SRGAP1: variants seen among roughly 807,000 people sequenced by gnomAD.
The protein encoded by SRGAP1 is SLIT-ROBO Rho GTPase activating protein 1.
A neutral mutation model predicts 121.9 loss-of-function variants in SRGAP1; 43 were observed. The observed-to-expected ratio is 0.35, with a 90% confidence interval of 0.28 to 0.46. SRGAP1 has a LOEUF of 0.46. Ranked by LOEUF, SRGAP1 falls within the 20% of genes least tolerant of loss-of-function variation. The probability of loss-of-function intolerance (pLI) is 1.00; values close to 1 mark genes in which losing one functional copy is unlikely to be tolerated. For missense variants in SRGAP1, 1,102 were observed against 1,350.9 expected (o/e 0.82, Z 2.89); for synonymous variants, 447 against 485.4 (o/e 0.92, Z 1.04).
chr12:63,890,055 A>G (rs1361152216), intron 1 of SRGAP1, among the ~76,000 whole-genome samples: 1 of 152,070 alleles, frequency 6.6e-6, no homozygotes, highest in African/African-American at 2.4e-5. Context: ...TATCTCTTTT[A>G]GATTGCTGCA....
intron 1 of SRGAP1, among the ~76,000 whole-genome samples, chr12:63,860,910 A>C (rs758583684): frequency 2.6e-4 from 39 of 150,418 alleles, no homozygotes; most frequent in Non-Finnish European, 4.7e-4. Context: ...ATCATTGTGC[A>C]TTATAGCCTG....
intron 8 of SRGAP1, among the ~76,000 whole-genome samples, chr12:64,066,273 A>G (rs1229132006): frequency 6.6e-6 from 1 of 152,196 alleles, no homozygotes; most frequent in African/African-American, 2.4e-5. Flanking sequence ...CCATCCTAGC[A>G]TTCTTGTCTC....
At chr12:64,135,320 A>G (rs1041008689) in intron 21 of SRGAP1, among the ~76,000 whole-genome samples, 6 of 152,190 alleles carry the variant, frequency 3.9e-5, no homozygotes, top group Non-Finnish European at 8.8e-5. Flanking sequence ...AGCGACTTGC[A>G]TAAGAACTCG....
chr12:64,116,682 G>A (rs2036529174), intron 18 of SRGAP1, among the ~76,000 whole-genome samples: 1 of 152,182 alleles, frequency 6.6e-6, no homozygotes. Flanking sequence ...ATTAAGAACA[G>A]TGCTGCTATG....
intron 3 of SRGAP1, among the ~76,000 whole-genome samples, chr12:64,004,246 C>T (rs575281605): frequency 1.1e-4 from 16 of 152,202 alleles, no homozygotes; most frequent in Admixed American, 6.5e-4. Flanking sequence ...TCAGAAGGCA[C>T]GCAGTCCCTC....
chr12:63,911,400 T>A (rs1020593526), intron 1 of SRGAP1, among the ~76,000 whole-genome samples: 1 of 152,158 alleles, frequency 6.6e-6, no homozygotes, highest in African/African-American at 2.4e-5. Flanking sequence ...TTCAAGTTTC[T>A]GCTAATGTGC....
At chr12:64,006,171 T>C (rs1462279025) in intron 3 of SRGAP1, among the ~76,000 whole-genome samples, 1 of 152,068 alleles carries the variant, frequency 6.6e-6, no homozygotes, top group African/African-American at 2.4e-5. Flanking sequence ...CTTGGTGAGA[T>C]TTTACAAAGG....
intron 1 of SRGAP1, chr12:63,983,586 C>G (rs1461207591): frequency 6.6e-6 from 1 of 151,556 alleles, no homozygotes; most frequent in African/African-American, 2.4e-5. Context: ...CAGTGACTCA[C>G]GCCTGTAATC....
chr12:63,900,726 T>C (rs556518552), intron 1 of SRGAP1, among the ~76,000 whole-genome samples: 65 of 152,046 alleles, frequency 4.3e-4, no homozygotes, highest in Non-Finnish European at 8.7e-4. Context: ...AGGCATAGAA[T>C]AGCTTGAACC....
chr12:63,889,842 C>G (rs1268628149), intron 1 of SRGAP1, among the ~76,000 whole-genome samples: 1 of 151,526 alleles, frequency 6.6e-6, no homozygotes, highest in Non-Finnish European at 1.5e-5. Context: ...CGGGAGGCAG[C>G]GGTTGCAGTG....
At chr12:64,083,555 A>C (rs947240124) in intron 10 of SRGAP1, among the ~76,000 whole-genome samples, 8 of 152,216 alleles carry the variant, frequency 5.3e-5, no homozygotes. Flanking sequence ...AGAAGCACGC[A>C]ATGAGTTGTT....
rs2036169722 is a variant in SRGAP1, at chr12:64,097,106, AG to A, written c.1679-134del. ...TATCTAAACCAATTATTTTAATTTT[AG>A]TACCATATAATCTTTCATAAAGCAT... is the stretch of plus-strand genomic sequence containing the variant. On this transcript the variant is annotated intron_variant, in intron 14 of 21. Coordinates refer to ENST00000355086, the MANE Select transcript of SRGAP1 (RefSeq NM_020762.4). 6 of 866,928 alleles carry A rather than the reference AG, an allele frequency of 6.9e-6. No individual in the cohort carries two copies. The South Asian group carries it at 1.6e-4, about 23-fold the overall frequency. The allele number at this position is 866,928 out of a possible 1,614,324, so 53.7% of individuals were successfully genotyped here.
intron 3 of SRGAP1, among the ~76,000 whole-genome samples, chr12:64,001,125 C>G (rs1292759233): frequency 6.6e-6 from 1 of 152,062 alleles, no homozygotes; most frequent in African/African-American, 2.4e-5. Context: ...ACCCAGCATT[C>G]CATAAAATCA....
intron 10 of SRGAP1, among the ~76,000 whole-genome samples, chr12:64,084,307 T>C (rs954199876): frequency 6.6e-6 from 1 of 152,156 alleles, no homozygotes; most frequent in Non-Finnish European, 1.5e-5. Context: ...CTGGGTTATT[T>C]TTTTCCTTCA....
chr12:64,114,199 C>G (rs1202532681), intron 17 of SRGAP1, among the ~76,000 whole-genome samples: 1 of 152,034 alleles, frequency 6.6e-6, no homozygotes, highest in African/African-American at 2.4e-5. Context: ...TACTTGAGTA[C>G]TTAGTATGGG....
intron 1 of SRGAP1, among the ~76,000 whole-genome samples, chr12:63,948,973 TATATATATATTCCATATATGTATTTTCC>T (rs1565964185): frequency 1.6e-5 from 2 of 125,328 alleles, no homozygotes; most frequent in African/African-American, 6.8e-5. Context: ...ATATTTTCCA[TATATATATATTCCATATATGTATTTTCC>T]ATATATATAT....
intron 1 of SRGAP1, among the ~76,000 whole-genome samples, chr12:63,907,453 G>A (rs562053102): frequency 6.6e-6 from 1 of 151,908 alleles, no homozygotes; most frequent in African/African-American, 2.4e-5. Flanking sequence ...CAGGGGAATC[G>A]CTTGATCCTG....
At chr12:63,868,929 A>G (rs879390629) in intron 1 of SRGAP1, among the ~76,000 whole-genome samples, 1 of 152,196 alleles carries the variant, frequency 6.6e-6, no homozygotes, top group Non-Finnish European at 1.5e-5. Context: ...GTTGCTATAG[A>G]TGTAGATTGC....
At position 63,844,804 on chromosome 12, in the gene SRGAP1, G is replaced by A; in HGVS notation, c.-13G>A. The A allele has an allele frequency of 6.2e-7, 1 of 1,614,074 alleles. No individual in the cohort carries two copies. Among genetic ancestry groups the A allele is most frequent in the East Asian group, 2.2e-5 (1 of 44,870 alleles). On this transcript the variant is annotated 5_prime_UTR_variant, in exon 1 of 22. Transcript: ENST00000355086. This position sits in a 1 kb window ranked among gnomAD's most constrained non-coding sequence, Gnocchi z 4.3. ...AACTTGCCCATTGAAAGCAAACCCG[G>A]AACAGCTGGATAATGTCCACCCCGA...
Sources: allele counts gnomAD v4.1 joint callset (sites outside exome capture counted in the v4.1 genomes callset), GRCh38; gene constraint gnomAD v4.1.1; non-coding constraint Gnocchi (gnomAD v3.1); transcripts MANE v1.5; gene names NCBI Gene and HGNC (gene_info 2026-07-23, HGNC 2026-07-21).